Variants in CADPS observed in about 807,000 individuals in gnomAD.
CADPS encodes calcium-dependent secretion activator 1.
Under a neutral mutation model 167.3 loss-of-function variants are expected in CADPS, and 57 were observed. The ratio of observed to expected loss-of-function variants is 0.34; its 90% CI spans 0.28 to 0.42. CADPS has a LOEUF of 0.42. Among genes scored for constraint, CADPS ranks in the 20% least tolerant of loss-of-function variants. The pLI is 1.00. For missense variants in CADPS, 1,414 were observed against 1,738.1 expected, an observed-to-expected ratio of 0.81 and a Z score of 3.32; for synonymous variants, 676 against 635.3, an observed-to-expected ratio of 1.06 and a Z score of -0.96.
At chr3:62,786,306 CTT>C (rs1167832690) in intron 1 of CADPS, among the ~76,000 whole-genome samples, 1 of 151,986 alleles carries the variant, frequency 6.6e-6, no homozygotes, top group Non-Finnish European at 1.5e-5. Context: ...AGTAGAAACT[CTT>C]TTTGGAAATG....
intron 6 of CADPS, among the ~76,000 whole-genome samples, chr3:62,621,312 G>A (rs904455155): frequency 6.6e-6 from 1 of 151,996 alleles, no homozygotes; most frequent in Non-Finnish European, 1.5e-5. Flanking sequence ...CTTGGAGGAA[G>A]TTGAGTTGCG....
intron 3 of CADPS, among the ~76,000 whole-genome samples, chr3:62,701,329 C>T (rs566779229): frequency 1.3e-5 from 2 of 152,088 alleles, no homozygotes; most frequent in African/African-American, 4.8e-5. Flanking sequence ...GACTGAAGAT[C>T]CCAATACATG....
intron 3 of CADPS, among the ~76,000 whole-genome samples, chr3:62,708,741 G>A (rs771989630): frequency 3.9e-5 from 6 of 152,048 alleles, no homozygotes; most frequent in Non-Finnish European, 5.9e-5. Context: ...TTGTGACCCT[G>A]CTATAATTGC....
chr3:62,471,089 C>T (rs2060548808), intron 24 of CADPS, among the ~76,000 whole-genome samples: 1 of 152,232 alleles, frequency 6.6e-6, no homozygotes, highest in African/African-American at 2.4e-5. Context: ...TTTAACAAAC[C>T]ACATACTTCC....
intron 24 of CADPS, among the ~76,000 whole-genome samples, chr3:62,472,300 T>C (rs1204785589): frequency 1.3e-5 from 2 of 152,192 alleles, no homozygotes. Flanking sequence ...GTGAATACAC[T>C]AAAACTACAA....
chr3:62,747,807 C>T (rs960638649), intron 3 of CADPS, among the ~76,000 whole-genome samples: 3 of 152,072 alleles, frequency 2.0e-5, no homozygotes, highest in African/African-American at 4.8e-5. Context: ...GTTATCCCTG[C>T]TGCCAGTTGG....
chr3:62,756,313 C>T (rs1029000451), intron 2 of CADPS, among the ~76,000 whole-genome samples: 1 of 152,184 alleles, frequency 6.6e-6, no homozygotes, highest in African/African-American at 2.4e-5. Flanking sequence ...GTGATACACC[C>T]GCCTGGGCTT....
chr3:62,623,688 A>G (rs377088802), intron 6 of CADPS, among the ~76,000 whole-genome samples: 4 of 152,282 alleles, frequency 2.6e-5, no homozygotes, highest in African/African-American at 9.6e-5. Flanking sequence ...TTTCTGAGCT[A>G]ACCCTTAGGT....
Position 62,831,246 on chromosome 3 carries a change from G to A in CADPS, c.441+43343C>T, listed in dbSNP as rs530612297. 1.2e-4 allele frequency among the ~76,000 whole-genome samples: 19 copies of A among 152,260 alleles called. No homozygotes were observed. In the South Asian group the frequency reaches 3.1e-3, roughly 25 times the overall value. ...CTTAATCTCATGAAAACTCTTCGAA[G>A]TAAACATTATCTTCATTTTCCAGAT... On this transcript the variant is annotated intron_variant, in intron 1 of 29. Coordinates refer to ENST00000383710, the MANE Select transcript of CADPS (RefSeq NM_003716.4).
chr3:62,594,452 C>A (rs904160122), intron 6 of CADPS, among the ~76,000 whole-genome samples: 1 of 152,186 alleles, frequency 6.6e-6, no homozygotes, highest in African/African-American at 2.4e-5. Context: ...TGAGCCACCG[C>A]GCCCGGCCCT....
At chr3:62,505,993 C>T (rs936117204) in intron 17 of CADPS, among the ~76,000 whole-genome samples, 2 of 152,180 alleles carry the variant, frequency 1.3e-5, no homozygotes, top group African/African-American at 4.8e-5. Context: ...TCCAAAGTCT[C>T]TGGTTACTTA....
At chr3:62,708,948 G>C (rs774796133) in intron 3 of CADPS, among the ~76,000 whole-genome samples, 1 of 152,000 alleles carries the variant, frequency 6.6e-6, no homozygotes, top group Non-Finnish European at 1.5e-5. Context: ...CTTTGCAAGG[G>C]CTCCACCCTG....
chr3:62,808,350 G>GA (rs535684535), intron 1 of CADPS, among the ~76,000 whole-genome samples: 149 of 152,138 alleles, frequency 9.8e-4, no homozygotes, highest in Middle Eastern at 3.4e-3. Flanking sequence ...GAGAATGGGA[G>GA]AAAAAAAGTA....
At chr3:62,839,546 G>A (rs1047388191) in intron 1 of CADPS, among the ~76,000 whole-genome samples, 2 of 152,208 alleles carry the variant, frequency 1.3e-5, no homozygotes, top group African/African-American at 2.4e-5. Context: ...GTGGTGAGAA[G>A]TGAGCAGTAG....
intron 6 of CADPS, among the ~76,000 whole-genome samples, chr3:62,643,376 G>T (rs1303950046): frequency 6.6e-6 from 1 of 152,100 alleles, no homozygotes; most frequent in Non-Finnish European, 1.5e-5. Context: ...GAATCCTTAA[G>T]GTATTACAAA....
chr3:62,686,276 G>A lies in CADPS; in HGVS notation c.889-23882C>T, dbSNP rs868828907. Among the ~76,000 whole-genome samples the A allele has an allele frequency of 4.6e-5, 7 of 152,080 alleles. No individual in the cohort carries two copies. The South Asian group carries it at 1.5e-3, about 32-fold the overall frequency. On this transcript the variant is annotated intron_variant, in intron 3 of 29. Coordinates refer to ENST00000383710, the MANE Select transcript of CADPS (RefSeq NM_003716.4). ...TCTCTATGTATTATAACACTTCAGA[G>A]GCATAAAATATCTATGTCTTCCTGC...
At chr3:62,717,131 C>T (rs1400124592) in intron 3 of CADPS, among the ~76,000 whole-genome samples, 2 of 152,150 alleles carry the variant, frequency 1.3e-5, no homozygotes, top group Non-Finnish European at 2.9e-5. Context: ...ACCTCTCACT[C>T]ACTACACCCA....
chr3:62,779,215 G>A (rs2091057115), intron 1 of CADPS: 1 of 268,090 alleles, frequency 3.7e-6, no homozygotes, highest in African/African-American at 2.3e-5. Context: ...TGCTTTTTGG[G>A]CTGGAGTGTT....
intron 1 of CADPS, among the ~76,000 whole-genome samples, chr3:62,783,008 C>T (rs1316159934): frequency 1.3e-5 from 2 of 152,164 alleles, no homozygotes; most frequent in Non-Finnish European, 2.9e-5. Flanking sequence ...TATCCACCTG[C>T]CTCAGCTTCC....
Sources: gnomAD v4.1 joint callset for allele counts (sites outside exome capture counted in the v4.1 genomes callset) on GRCh38, gnomAD v4.1.1 for gene constraint, MANE v1.5 for transcripts, NCBI Gene and HGNC (gene_info 2026-07-23, HGNC 2026-07-21) for gene names.